PRKAG2: variants seen among roughly 807,000 people sequenced by gnomAD.
The protein encoded by PRKAG2 is protein kinase AMP-activated non-catalytic subunit gamma 2, also known as 5'-AMP-activated protein kinase subunit gamma-2.
PRKAG2 carries 26 observed loss-of-function variants against 69.6 expected under a neutral mutation model. The observed-to-expected ratio is 0.37, with a 90% CI of 0.27 to 0.52. PRKAG2 has a LOEUF of 0.52. PRKAG2 is among the 20% of genes least tolerant of loss of function. The pLI, the probability that PRKAG2 is intolerant of heterozygous loss-of-function variation, is 0.90. For synonymous variants in PRKAG2, 293 were observed against 285.0 expected, an observed-to-expected ratio of 1.03 and a Z score of -0.28; for missense variants, 557 against 740.0, an observed-to-expected ratio of 0.75 and a Z score of 2.87.
At chr7:151,749,864 A>G (rs911963745) in intron 3 of PRKAG2, among the ~76,000 whole-genome samples, 1 of 151,708 alleles carries the variant, frequency 6.6e-6, no homozygotes, top group African/African-American at 2.4e-5. Context: ...TGGGAGGCCG[A>G]GGTGGGCAGA....
chr7:151,860,557 GC>G (rs2079893107), intron 1 of PRKAG2, among the ~76,000 whole-genome samples: 1 of 152,088 alleles, frequency 6.6e-6, no homozygotes, highest in African/African-American at 2.4e-5. Flanking sequence ...AGAGAGCACG[GC>G]CCCCAGCTCA....
intron 1 of PRKAG2, among the ~76,000 whole-genome samples, chr7:151,874,090 TG>T (rs1433828268): frequency 7.0e-6 from 1 of 142,296 alleles, no homozygotes; most frequent in East Asian, 2.0e-4. Context: ...TATATGTATA[TG>T]ATGTATATGT....
chr7:151,751,772 C>T (rs1446136382), intron 3 of PRKAG2, among the ~76,000 whole-genome samples: 1 of 152,106 alleles, frequency 6.6e-6, no homozygotes, highest in Non-Finnish European at 1.5e-5. Flanking sequence ...CTCAGACTCC[C>T]AAAGTGCTGG....
intron 4 of PRKAG2, among the ~76,000 whole-genome samples, chr7:151,646,039 C>G (rs981194053): frequency 6.6e-6 from 1 of 152,160 alleles, no homozygotes; most frequent in African/African-American, 2.4e-5. Context: ...TCTGGATTCT[C>G]TATTTTGTTC....
At chr7:151,764,094 G>A (rs1004682118) in intron 3 of PRKAG2, among the ~76,000 whole-genome samples, 15 of 152,234 alleles carry the variant, frequency 9.9e-5, no homozygotes, top group African/African-American at 3.4e-4. Flanking sequence ...CAGTGTTTGC[G>A]CAGGTGGACG....
At chr7:151,693,990 G>A (rs1395506355) in intron 3 of PRKAG2, among the ~76,000 whole-genome samples, 1 of 152,158 alleles carries the variant, frequency 6.6e-6, no homozygotes, top group East Asian at 1.9e-4. Context: ...TTCTGCCTCA[G>A]CCTCCTGAGC....
chr7:151,830,970 G>A (rs2079013460), intron 1 of PRKAG2, among the ~76,000 whole-genome samples: 1 of 151,782 alleles, frequency 6.6e-6, no homozygotes, highest in Non-Finnish European at 1.5e-5. Flanking sequence ...TGACCAATAA[G>A]TATATGAAGA....
intron 1 of PRKAG2, among the ~76,000 whole-genome samples, chr7:151,844,768 T>TAA (rs1215469494): frequency 1.3e-5 from 2 of 152,184 alleles, no homozygotes; most frequent in Non-Finnish European, 2.9e-5. Flanking sequence ...TGTTCACTCT[T>TAA]AAAGCCCCGT....
chr7:151,874,024 G>T (rs1473110733), intron 1 of PRKAG2, among the ~76,000 whole-genome samples: 2 of 133,004 alleles, frequency 1.5e-5, no homozygotes, highest in African/African-American at 5.5e-5. Context: ...ATATGTATAT[G>T]ATGTATATGT....
chr7:151,864,118 C>T (rs1462704442), intron 1 of PRKAG2, among the ~76,000 whole-genome samples: 1 of 152,134 alleles, frequency 6.6e-6, no homozygotes. Context: ...CTTGAAATAG[C>T]ACGAAACAAG....
chr7:151,753,925 T>G (rs1056350163), intron 3 of PRKAG2, among the ~76,000 whole-genome samples: 1 of 152,068 alleles, frequency 6.6e-6, no homozygotes, highest in East Asian at 1.9e-4. Flanking sequence ...TCGCAGCTAC[T>G]CAGGAGGTTG....
chr7:151,819,241 C>A (rs1407437828), intron 1 of PRKAG2, among the ~76,000 whole-genome samples: 2 of 152,244 alleles, frequency 1.3e-5, no homozygotes, highest in Non-Finnish European at 2.9e-5. Context: ...CCGGTCCTAA[C>A]ACCTCTGGGT....
intron 3 of PRKAG2, among the ~76,000 whole-genome samples, chr7:151,728,655 G>A (rs1798395320): frequency 6.6e-6 from 1 of 152,134 alleles, no homozygotes; most frequent in African/African-American, 2.4e-5. Flanking sequence ...ACTTTCAGAC[G>A]CTGCAGTCCT....
Position 151,872,547 on chromosome 7 carries a change from G to A in PRKAG2, c.114+3960C>T, listed in dbSNP as rs1024859928. 2.1e-4 allele frequency among the ~76,000 whole-genome samples: 32 copies of A among 152,246 alleles called. 1 individual carries two copies. Among genetic ancestry groups the A allele is most frequent in the Non-Finnish European group, 7.3e-5 (5 of 68,046 alleles). On this transcript the variant is annotated intron_variant, in intron 1 of 15. Transcript: ENST00000287878. ...AGAAGGGCCAGTAAGGTGCATTAAC[G>A]AGTGGGTTACACTGTGGATCCCCAC...
chr7:151,831,861 C>T lies in PRKAG2; in HGVS notation c.114+44646G>A, dbSNP rs78583438. On this transcript the variant is annotated intron_variant, in intron 1 of 15. Transcript: ENST00000287878. ...GGGGCATCCTGGCAGGATCAGAGGC[C>T]GCTAGGGAGGTGACAGAGTGGGGAG... is the stretch of plus-strand genomic sequence containing the variant. Among the ~76,000 whole-genome samples, 406 of 152,196 alleles carry T rather than the reference C, an allele frequency of 2.7e-3. 1 individual carries two copies. Among genetic ancestry groups the T allele is most frequent in the East Asian group, 6.4e-3 (33 of 5,162 alleles).
intron 5 of PRKAG2, among the ~76,000 whole-genome samples, chr7:151,621,893 T>C (rs926524146): frequency 1.8e-4 from 28 of 152,170 alleles, no homozygotes; most frequent in Non-Finnish European, 2.5e-4. Flanking sequence ...TTGATCAACG[T>C]TACTTTTAAA....
intron 4 of PRKAG2, among the ~76,000 whole-genome samples, chr7:151,656,962 C>T (rs1829518892): frequency 6.6e-6 from 1 of 152,004 alleles, no homozygotes; most frequent in African/African-American, 2.4e-5. Context: ...CATGGTGAAA[C>T]CCCATCTCTA....
chr7:151,573,736 A>C (rs1808238051), intron 8 of PRKAG2, among the ~76,000 whole-genome samples: 1 of 152,148 alleles, frequency 6.6e-6, no homozygotes, highest in African/African-American at 2.4e-5. Context: ...GGAAATAAAT[A>C]CAGGATATTT....
chr7:151,648,506 G>GGT (rs1827934814), intron 4 of PRKAG2, among the ~76,000 whole-genome samples: 2 of 152,196 alleles, frequency 1.3e-5, no homozygotes, highest in African/African-American at 4.8e-5. Context: ...AGGAGGGGCC[G>GGT]GTGTCTTCTC....
Sources: gnomAD v4.1 joint callset for allele counts (sites outside exome capture counted in the v4.1 genomes callset) on GRCh38, gnomAD v4.1.1 for gene constraint, MANE v1.5 for transcripts, NCBI Gene and HGNC (gene_info 2026-07-23, HGNC 2026-07-21) for gene names.